The following RB1 variants were observed in gnomAD, a reference collection of about 807,000 sequenced individuals.
RB1 encodes the protein RB transcriptional corepressor 1, also known as retinoblastoma-associated protein.
In RB1, 18 loss-of-function variants were observed where a neutral mutation model predicts 135.4. The ratio of observed to expected loss-of-function variants is 0.13; its 90% confidence interval spans 0.09 to 0.20. The LOEUF (loss-of-function observed/expected upper bound fraction) is 0.20, where lower values mean the gene tolerates loss of function less well. Ranked by LOEUF, RB1 falls within the 10% of genes least tolerant of loss-of-function variation. The probability of loss-of-function intolerance (pLI) is 1.00; values close to 1 mark genes in which losing one functional copy is unlikely to be tolerated. For synonymous variants in RB1, 365 were observed against 373.2 expected (o/e 0.98, Z 0.25); for missense variants, 868 against 1,110.0 (o/e 0.78, Z 3.10).
intron 18 of RB1, among the ~76,000 whole-genome samples, chr13:48,455,991 C>A (rs1370584936): frequency 6.6e-6 from 1 of 152,036 alleles, no homozygotes; most frequent in African/African-American, 2.4e-5. Flanking sequence ...AGGCAGTAAT[C>A]CCCAGGAAAA....
At chr13:48,472,295 C>A (rs775042008) in intron 23 of RB1, among the ~76,000 whole-genome samples, 4 of 152,060 alleles carry the variant, frequency 2.6e-5, no homozygotes, top group Non-Finnish European at 5.9e-5. Flanking sequence ...ATAAAAATTT[C>A]AAACTCTACA....
intron 17 of RB1, among the ~76,000 whole-genome samples, chr13:48,422,991 G>A (rs780102494): frequency 9.9e-5 from 15 of 152,038 alleles, no homozygotes; most frequent in Non-Finnish European, 1.8e-4. Context: ...TTAGCCAAGT[G>A]TGGTGGTGGG....
rs181868231 is a variant in RB1 at position 48,439,690 on chromosome 13, G to C, written c.1696-13303G>C. ...GCTATTGAATGTGTTATGATTTAGAGAATTTCTGAGATTCACAGTAGAGTC... is the reference window on the plus strand; with the variant it reads ...GCTATTGAATGTGTTATGATTTAGACAATTTCTGAGATTCACAGTAGAGTC... On this transcript the variant is annotated intron_variant, in intron 17 of 26. Coordinates refer to ENST00000267163, the MANE Select transcript of RB1 (RefSeq NM_000321.3). 2.0e-5 allele frequency: 3 copies of C among 152,268 alleles called. No individual in the cohort carries two copies. In the East Asian group the frequency reaches 5.8e-4, roughly 29 times the overall value. 9.4% of individuals were successfully genotyped at this position (152,268 alleles called of 1,614,324 possible). A position where few individuals can be genotyped will look rare whatever the true frequency, so the allele number is the denominator to read the frequency against.
intron 17 of RB1, among the ~76,000 whole-genome samples, chr13:48,409,308 A>C (rs1045650227): frequency 6.6e-6 from 1 of 151,902 alleles, no homozygotes; most frequent in African/African-American, 2.4e-5. Flanking sequence ...ATCCCTAAAG[A>C]AAACCCCCCA....
chr13:48,366,068 A>T (rs555046357), intron 9 of RB1, among the ~76,000 whole-genome samples: 1 of 152,298 alleles, frequency 6.6e-6, no homozygotes, highest in African/African-American at 2.4e-5. Context: ...GTATGGTCTG[A>T]TCAGTGAACT....
chr13:48,387,633 C>A (rs1948580383), intron 17 of RB1, among the ~76,000 whole-genome samples: 1 of 151,768 alleles, frequency 6.6e-6, no homozygotes, highest in African/African-American at 2.4e-5. Flanking sequence ...TTATTGTAGT[C>A]AATTTTATAA....
At chr13:48,364,864 A>G (rs542979752) in intron 8 of RB1, 30 bp from the exon 9 acceptor site, 2 of 1,544,066 alleles carry the variant, frequency 1.3e-6, no homozygotes, top group South Asian at 2.4e-5. Context: ...TTAAATTTTA[A>G]TGATCATGTT....
chr13:48,452,063 C>T (rs1400968533), intron 17 of RB1, among the ~76,000 whole-genome samples: 2 of 151,836 alleles, frequency 1.3e-5, no homozygotes, highest in African/African-American at 4.8e-5. Context: ...AAATAAGCTC[C>T]TGGATTCATT....
intron 17 of RB1, among the ~76,000 whole-genome samples, chr13:48,431,891 A>AT (rs202041268): frequency 4.6e-5 from 7 of 151,520 alleles, no homozygotes; most frequent in Admixed American, 2.6e-4. Flanking sequence ...ACTGATACTT[A>AT]TTTTTTTTTC....
At chr13:48,353,037 A>G (rs992761870) in intron 6 of RB1, among the ~76,000 whole-genome samples, 3 of 152,024 alleles carry the variant, frequency 2.0e-5, no homozygotes, top group African/African-American at 4.8e-5. Flanking sequence ...ACAATCTAAC[A>G]TTGTATCTTA....
intron 18 of RB1, among the ~76,000 whole-genome samples, chr13:48,454,678 C>G (rs1949349298): frequency 6.6e-6 from 1 of 152,152 alleles, no homozygotes; most frequent in Admixed American, 6.5e-5. Flanking sequence ...AACGGAGAGG[C>G]TGATAGAATG....
At chr13:48,368,631 A>G (rs373654885) in intron 11 of RB1, 27 bp downstream of exon 11, 6 of 1,603,528 alleles carry the variant, frequency 3.7e-6, no homozygotes, top group African/African-American at 1.3e-5. Context: ...TTTTAATTAT[A>G]TTATAATTTT....
intron 21 of RB1, among the ~76,000 whole-genome samples, chr13:48,464,288 G>A (rs970036391): frequency 6.6e-6 from 1 of 152,122 alleles, no homozygotes; most frequent in African/African-American, 2.4e-5. Context: ...TACTTGGTAT[G>A]ACACATTTCA....
intron 17 of RB1, among the ~76,000 whole-genome samples, chr13:48,418,304 T>C (rs1948948444): frequency 6.6e-6 from 1 of 152,070 alleles, no homozygotes; most frequent in Non-Finnish European, 1.5e-5. Flanking sequence ...GAATGAGAAA[T>C]AAAATCCTTC....
At chr13:48,417,699 A>G (rs550917760) in intron 17 of RB1, among the ~76,000 whole-genome samples, 2 of 152,308 alleles carry the variant, frequency 1.3e-5, no homozygotes, top group African/African-American at 4.8e-5. Context: ...AAATGACCTG[A>G]TGGAGCTGAA....
intron 17 of RB1, among the ~76,000 whole-genome samples, chr13:48,407,248 C>T (rs198605): frequency 2.0e-5 from 3 of 152,138 alleles, no homozygotes; most frequent in African/African-American, 7.2e-5. Flanking sequence ...GAATTATACC[C>T]CTTCTGGGGC....
chr13:48,456,119 T>C (rs1949358120), intron 18 of RB1, 85 bp from the exon 19 acceptor site: 2 of 1,582,516 alleles, frequency 1.3e-6, no homozygotes, highest in Non-Finnish European at 8.6e-7. Context: ...ACAAGATGTA[T>C]CTGGGTGTAC....
chr13:48,315,379 T>A (rs1186152026), intron 2 of RB1, among the ~76,000 whole-genome samples: 1 of 152,234 alleles, frequency 6.6e-6, no homozygotes, highest in Non-Finnish European at 1.5e-5. Context: ...TGTACATTGA[T>A]TTTATATCCT....
intron 17 of RB1, chr13:48,412,498 C>A: frequency 1.1e-6 from 1 of 900,320 alleles, no homozygotes; most frequent in Non-Finnish European, 1.9e-6. Context: ...CAGATTATAA[C>A]CTCTATAACC....
Sources: gnomAD v4.1 joint callset for allele counts (sites outside exome capture counted in the v4.1 genomes callset) on GRCh38, gnomAD v4.1.1 for gene constraint, MANE v1.5 for transcripts, NCBI Gene and HGNC (gene_info 2026-07-23, HGNC 2026-07-21) for gene names.